The following COL4A2 variants were observed in gnomAD, a reference collection of about 807,000 sequenced individuals.
COL4A2 encodes collagen type IV alpha 2 chain, also known as collagen alpha-2(IV) chain.
A neutral mutation model predicts 200.2 loss-of-function variants in COL4A2; 99 were observed. That is an observed-to-expected ratio of 0.49 (90% confidence interval 0.42 to 0.58). The LOEUF (loss-of-function observed/expected upper bound fraction) is 0.58. COL4A2 is among the 20% of genes least tolerant of loss of function. The pLI is 0.00. For missense variants in COL4A2, 1,950 were observed against 2,314.1 expected, an observed-to-expected ratio of 0.84 and a Z score of 3.23; for synonymous variants, 897 against 900.6, an observed-to-expected ratio of 1.00 and a Z score of 0.07.
intron 4 of COL4A2, among the ~76,000 whole-genome samples, chr13:110,391,588 T>C (rs1878982083): frequency 6.6e-6 from 1 of 152,238 alleles, no homozygotes; most frequent in African/African-American, 2.4e-5. Context: ...CCGGCAGATC[T>C]TCCTCTGAAA....
chr13:110,443,668 G>C (rs1340134407), intron 16 of COL4A2, among the ~76,000 whole-genome samples: 1 of 152,200 alleles, frequency 6.6e-6, no homozygotes, highest in Non-Finnish European at 1.5e-5. Context: ...CTGCATGTCA[G>C]TCTCCTGACC....
chr13:110,381,625 C>G (rs1878496667), intron 4 of COL4A2, among the ~76,000 whole-genome samples: 1 of 152,254 alleles, frequency 6.6e-6, no homozygotes, highest in Admixed American at 6.5e-5. Context: ...AGAAAAGGAG[C>G]CTCAGGTCAA....
In COL4A2 at chr13:110,501,806, G is replaced by C. The variant is rs769604509; in HGVS notation, c.3877+22G>C. ...AAAGGTAAGCAGGACTTATACATCT[G>C]TGCTTCGACATCTCTAGGGGCAGGA... On this transcript the variant is annotated intron_variant, in intron 41 of 47. Coordinates refer to ENST00000360467, the MANE Select transcript of COL4A2 (RefSeq NM_001846.4). 2.0e-5 allele frequency: 32 copies of C among 1,607,056 alleles called. No homozygotes were observed. In the South Asian group the frequency reaches 2.2e-4, roughly 11 times the overall value.
chr13:110,470,098 A>G (rs943646920), intron 28 of COL4A2, among the ~76,000 whole-genome samples: 10 of 151,848 alleles, frequency 6.6e-5, no homozygotes, highest in Non-Finnish European at 1.5e-4. Context: ...TATTTTCAGT[A>G]GAGACGGGGA....
intron 40 of COL4A2, among the ~76,000 whole-genome samples, chr13:110,497,683 T>C (rs79220291): frequency 5.0e-3 from 339 of 67,316 alleles, no homozygotes; most frequent in Middle Eastern, 0.031. Flanking sequence ...GTCAATCCAC[T>C]AGCACAACCT....
intron 16 of COL4A2, among the ~76,000 whole-genome samples, chr13:110,440,297 TG>T (rs1279611798): frequency 5.3e-5 from 8 of 152,264 alleles, no homozygotes; most frequent in South Asian, 2.1e-4. Context: ...AAAAATGTTA[TG>T]TAAGAAATGT....
intron 32 of COL4A2, 31 bp downstream of exon 32, chr13:110,482,690 TGGTCATGGTG>T (rs987225881): frequency 1.2e-6 from 2 of 1,600,818 alleles, no homozygotes; most frequent in African/African-American, 2.7e-5. Flanking sequence ...CCTCCTTACC[TGGTCATGGTG>T]GCATCCTCCT....
chr13:110,480,690 G>A (rs970101544), intron 31 of COL4A2, among the ~76,000 whole-genome samples: 2 of 152,256 alleles, frequency 1.3e-5, no homozygotes, highest in Non-Finnish European at 2.9e-5. Flanking sequence ...TCTGCACAGG[G>A]AAATTTGTGG....
rs549500825 is a variant in COL4A2, at chr13:110,414,758, A to C, written c.181-9976A>C. ...ATGGCTATCACTGTCTATAATCTGT[A>C]AGACTCTTGCTAGGGAATGAGGCTT... is the stretch of plus-strand genomic sequence containing the variant. On this transcript the variant is annotated intron_variant, in intron 4 of 47. Coordinates refer to ENST00000360467, the MANE Select transcript of COL4A2 (RefSeq NM_001846.4). 1.9e-4 allele frequency among the ~76,000 whole-genome samples: 29 copies of C among 152,352 alleles called. No homozygotes were observed. The South Asian group carries it at 6.0e-3, about 32-fold the overall frequency.
chr13:110,449,907 G>C (rs1343833347), intron 19 of COL4A2, 118 bp downstream of exon 19: 2 of 1,175,654 alleles, frequency 1.7e-6, no homozygotes, highest in Non-Finnish European at 2.4e-6. Context: ...TTTCCCCACT[G>C]ACTAGTCTTA....
At chr13:110,415,254 CA>C (rs991955697) in intron 4 of COL4A2, among the ~76,000 whole-genome samples, 1 of 151,582 alleles carries the variant, frequency 6.6e-6, no homozygotes, top group Non-Finnish European at 1.5e-5. Flanking sequence ...AATAACACAC[CA>C]AAAAAAGTGA....
At chr13:110,352,772 G>A (rs1270409312) in intron 3 of COL4A2, among the ~76,000 whole-genome samples, 1 of 152,152 alleles carries the variant, frequency 6.6e-6, no homozygotes, top group Middle Eastern at 3.2e-3. Flanking sequence ...CAGGGAGTAG[G>A]GTGCCCCCAC....
chr13:110,503,653 A>C (rs1050875397), intron 43 of COL4A2, among the ~76,000 whole-genome samples, 172 bp downstream of exon 43: 1 of 152,168 alleles, frequency 6.6e-6, no homozygotes, highest in African/African-American at 2.4e-5. Flanking sequence ...ACCTTGGGGA[A>C]TGGAGAGCTT....
intron 3 of COL4A2, among the ~76,000 whole-genome samples, chr13:110,313,310 G>C (rs1028967605): frequency 1.2e-4 from 18 of 152,312 alleles, no homozygotes; most frequent in South Asian, 2.1e-4. Context: ...GGTGGCTCCG[G>C]AGGACGGTAA....
At chr13:110,416,177 G>T (rs9588156) in intron 4 of COL4A2, among the ~76,000 whole-genome samples, 1 of 152,232 alleles carries the variant, frequency 6.6e-6, no homozygotes, top group Non-Finnish European at 1.5e-5. Flanking sequence ...CTGCATGAGG[G>T]TGATGCTCTG....
At position 110,465,501 on chromosome 13, in the gene COL4A2, C is replaced by T. The variant is rs1012356775; in HGVS notation, c.1873C>T (p.Leu625Phe). 7 of 1,613,926 alleles carry T rather than the reference C, an allele frequency of 4.3e-6. No individual in the cohort carries two copies. The highest frequency in any genetic ancestry group is 5.9e-6 in the Non-Finnish European group (7 of 1,180,018). ...PGEMGPPGLG[L>F]PGLKGQRGFP... ...AGAAATGGGCCCCCCAGGACTGGGCCTTCCCGGCCTCAAAGGCCAACGTGG... is the reference window on the plus strand; with the variant it reads ...AGAAATGGGCCCCCCAGGACTGGGCTTTCCCGGCCTCAAAGGCCAACGTGG... The change falls in exon 25 of 48, where the codon CTT (leucine) becomes TTT (phenylalanine). Residue 625 changes from leucine (L) to phenylalanine (F), a missense_variant. By Grantham distance (22) the Leu-to-Phe change is conservative. This residue lies in a region of COL4A2 where 1,385 missense variants were observed against 1,720.5 expected (regional missense o/e 0.80). Transcript: ENST00000360467.
intron 18 of COL4A2, among the ~76,000 whole-genome samples, chr13:110,448,267 G>T (rs73617579): frequency 0.036 from 5,512 of 152,246 alleles, 346 homozygotes; most frequent in African/African-American, 0.13. Flanking sequence ...TGTTTCTTTT[G>T]CATTTTTTAA....
At chr13:110,365,742 C>T (rs1462116970) in intron 4 of COL4A2, among the ~76,000 whole-genome samples, 1 of 152,210 alleles carries the variant, frequency 6.6e-6, no homozygotes, top group East Asian at 1.9e-4. Flanking sequence ...TGACTCCTTC[C>T]TTCTCTTACA....
intron 4 of COL4A2, among the ~76,000 whole-genome samples, chr13:110,418,273 T>C (rs574542118): frequency 1.3e-5 from 2 of 152,350 alleles, no homozygotes; most frequent in East Asian, 3.9e-4. Flanking sequence ...CCGGAAGAAG[T>C]TGTTTATCAG....
Sources: gnomAD v4.1 joint callset for allele counts (sites outside exome capture counted in the v4.1 genomes callset) on GRCh38, gnomAD v4.1.1 for gene constraint, gnomAD v4.1.1 regional missense constraint, MANE v1.5 for transcripts, NCBI Gene and HGNC (gene_info 2026-07-23, HGNC 2026-07-21) for gene names.